MTO1: variants seen among roughly 807,000 people sequenced by gnomAD.
MTO1 encodes mitochondrial tRNA translation optimization 1.
In MTO1, 46 loss-of-function variants were observed where a neutral mutation model predicts 71.6. The ratio of observed to expected loss-of-function variants is 0.64; its 90% CI spans 0.51 to 0.82. The LOEUF (loss-of-function observed/expected upper bound fraction) is 0.82. MTO1 is among the 40% of genes least tolerant of loss of function. The probability of loss-of-function intolerance (pLI) is 0.00; values close to 1 mark genes in which losing one functional copy is unlikely to be tolerated. For missense variants in MTO1, 773 were observed against 867.5 expected (o/e 0.89, Z 1.37); for synonymous variants, 297 against 312.1 (o/e 0.95, Z 0.51).
At chr6:73,483,365 C>A (rs937575392) in intron 9 of MTO1, among the ~76,000 whole-genome samples, 1 of 151,840 alleles carries the variant, frequency 6.6e-6, no homozygotes. Flanking sequence ...GCCAAGATCA[C>A]GCCTCTGCAC....
At position 73,506,516 on chromosome 6, in the gene MTO1, TC is replaced by T; in HGVS notation, c.*5784del. 1 of 158,358 alleles carries T rather than the reference TC, an allele frequency of 6.3e-6. No homozygotes were observed. Among genetic ancestry groups the T allele is most frequent in the Non-Finnish European group, 1.4e-5 (1 of 73,032 alleles). 9.8% of individuals were successfully genotyped at this position (158,358 alleles called of 1,614,324 possible). ...CTTCTTCCTCATTTTCTCTTGCCAC[TC>T]CCATGTAAGAAGTGCCTTTCGCCTC... On this transcript the variant is annotated 3_prime_UTR_variant, in exon 12 of 12. Transcript: ENST00000498286.
At chr6:73,497,987 C>A in intron 11 of MTO1, 91 bp downstream of exon 11, 1 of 1,131,328 alleles carries the variant, frequency 8.8e-7, no homozygotes, top group Non-Finnish European at 1.2e-6. Context: ...GGCCATATAA[C>A]TAATGTTTTA....
intron 7 of MTO1, 163 bp downstream of exon 7, chr6:73,480,968 G>GT: frequency 2.3e-6 from 1 of 436,712 alleles, no homozygotes; most frequent in South Asian, 2.5e-5. Context: ...TAGATAATAG[G>GT]GTTTTTTTTT....
intron 1 of MTO1, among the ~76,000 whole-genome samples, chr6:73,463,743 T>G (rs1348836923): frequency 6.6e-6 from 1 of 152,086 alleles, no homozygotes; most frequent in Non-Finnish European, 1.5e-5. Context: ...TTTTCTTTTC[T>G]TTTCTTTCAT....
chr6:73,496,751 T>G (rs1223811883), intron 10 of MTO1, among the ~76,000 whole-genome samples: 1 of 151,662 alleles, frequency 6.6e-6, no homozygotes, highest in African/African-American at 2.4e-5. Context: ...AAAACCATTT[T>G]CTTAGAGAAG....
rs1561939293 is a variant in MTO1, at chr6:73,466,345, G to C, written c.354G>C (p.Lys118Asn). The change falls in exon 2 of 12, where the codon AAG (lysine) becomes AAC (asparagine). Residue 118 changes from lysine (K) to asparagine (N), a missense_variant. Physicochemically the swap from Lys to Asn is moderately conservative, Grantham distance 94 (BLOSUM62 0). Transcript: ENST00000498286. ...GVHYKVLNRRKGPAVWGLRAQ... is the reference protein window; with the variant it reads ...GVHYKVLNRRNGPAVWGLRAQ... ...ATTATAAAGTATTAAACCGGCGTAA[G>C]GGACCAGCTGTGTGGGGTCTGAGAG... 1 of 1,614,154 alleles carries C rather than the reference G, an allele frequency of 6.2e-7. No homozygotes were observed. The highest frequency in any genetic ancestry group is 8.5e-7 in the Non-Finnish European group (1 of 1,180,040).
intron 10 of MTO1, 23 bp downstream of exon 10, chr6:73,492,375 A>G: frequency 6.8e-7 from 1 of 1,465,704 alleles, no homozygotes; most frequent in Admixed American, 1.7e-5. Flanking sequence ...TTTTGACTTA[A>G]CATACCTTTA....
chr6:73,486,566 C>T lies in MTO1; in HGVS notation c.1637+3946C>T, dbSNP rs749255735. The T allele has an allele frequency of 1.6e-4, 70 of 435,664 alleles. 1 individual carries two copies. Among genetic ancestry groups the T allele is most frequent in the Middle Eastern group, 1.5e-3 (2 of 1,378 alleles). The allele number at this position is 435,664 out of a possible 1,614,324, so 27.0% of individuals were successfully genotyped here. A position where few individuals can be genotyped will look rare whatever the true frequency, so the allele number is the denominator to read the frequency against. Reference sequence around the variant, plus strand: ...CAGCCTGGCCAACATGGTGAAACCTCGTCTCTACTAAAAAATACACAAATT... The same window carrying T: ...CAGCCTGGCCAACATGGTGAAACCTTGTCTCTACTAAAAAATACACAAATT... On this transcript the variant is annotated intron_variant, in intron 9 of 11. Transcript: ENST00000498286.
intron 10 of MTO1, 24 bp downstream of exon 10, chr6:73,492,376 C>T: frequency 6.8e-7 from 1 of 1,462,688 alleles, no homozygotes; most frequent in Non-Finnish European, 9.6e-7. Flanking sequence ...TTTGACTTAA[C>T]ATACCTTTAT....
chr6:73,464,111 G>T (rs1770907255), intron 1 of MTO1: 1 of 152,128 alleles, frequency 6.6e-6, no homozygotes, highest in African/African-American at 2.4e-5. Flanking sequence ...AAGTTGGAAT[G>T]ATATAGGGAT....
chr6:73,503,666 T>A lies in MTO1; in HGVS notation c.*2931T>A, dbSNP rs939020432. 6.6e-6 allele frequency: 1 copy of A among 152,144 alleles called. No homozygotes were observed. Among genetic ancestry groups the A allele is most frequent in the Non-Finnish European group, 1.5e-5 (1 of 68,034 alleles). 9.4% of individuals were successfully genotyped at this position (152,144 alleles called of 1,614,324 possible). On this transcript the variant is annotated 3_prime_UTR_variant, in exon 12 of 12. Coordinates refer to ENST00000498286, the MANE Select transcript of MTO1 (RefSeq NM_012123.4). The stretch of plus-strand genomic sequence containing the variant: ...TTCCTCTATTCACCACAGACCAGAC[T>A]GCCTACCAGTTGAAAAAGCCAGGTA...
chr6:73,498,987 A>G (rs774416519), intron 11 of MTO1, among the ~76,000 whole-genome samples: 1 of 152,056 alleles, frequency 6.6e-6, no homozygotes, highest in Non-Finnish European at 1.5e-5. Flanking sequence ...TTGGCCTCCC[A>G]AAGTCCTGGG....
Position 73,482,165 on chromosome 6 carries a change from A to G in MTO1, c.1386A>G (p.Pro462=). Residue 462 remains proline (P), a synonymous_variant, in exon 8 of 12, where the codon CCA becomes CCG. Transcript: ENST00000498286. ...TCACTACTCTGGGCACCAGTGAACCATACCGCATGTTTACCAGCCGAGTAG... is the reference window on the plus strand; with the variant it reads ...TCACTACTCTGGGCACCAGTGAACCGTACCGCATGTTTACCAGCCGAGTAG... ...DDLTTLGTSE[P]YRMFTSRVEF... 1.9e-6 allele frequency: 3 copies of G among 1,614,178 alleles called. No homozygotes were observed. The highest frequency in any genetic ancestry group is 2.2e-5 in the East Asian group (1 of 44,882).
chr6:73,482,759 T>G (rs1387517453), intron 9 of MTO1, 139 bp downstream of exon 9: 1 of 568,158 alleles, frequency 1.8e-6, no homozygotes, highest in Non-Finnish European at 2.9e-6. Flanking sequence ...CTTTTCAAAA[T>G]CCGTTAGCTG....
rs561381980 is a variant in MTO1, at chr6:73,475,259, G to A, written c.825+1605G>A. ...ATTACAGGCATGAGCGACCGCACCT[G>A]GTCAAATAGGCGTTTTTTGTTTTGT... On this transcript the variant is annotated intron_variant, in intron 4 of 11. Transcript: ENST00000498286. 4.6e-5 allele frequency among the ~76,000 whole-genome samples: 7 copies of A among 152,012 alleles called. No individual in the cohort carries two copies. In the South Asian group the frequency reaches 1.5e-3, roughly 32 times the overall value.
rs1196608252 is a variant in MTO1 at position 73,478,063 on chromosome 6, A to G, written c.826-1669A>G. Among the ~76,000 whole-genome samples, 7 of 151,292 alleles carry G rather than the reference A, an allele frequency of 4.6e-5. No homozygotes were observed. In the East Asian group the frequency reaches 1.0e-3, roughly 22 times the overall value. On this transcript the variant is annotated intron_variant, in intron 4 of 11. Coordinates refer to ENST00000498286, the MANE Select transcript of MTO1 (RefSeq NM_012123.4). ...CAAAAGATTGAGACCATCCTGGCCA[A>G]CATGGTGAAACCCCGTCTCTACTAA...
At chr6:73,476,592 T>C (rs949746865) in intron 4 of MTO1, among the ~76,000 whole-genome samples, 1 of 152,108 alleles carries the variant, frequency 6.6e-6, no homozygotes, top group African/African-American at 2.4e-5. Flanking sequence ...TATCAATTTA[T>C]GTCCATATTT....
At chr6:73,462,112 G>A (rs778318588) in intron 1 of MTO1, 41 bp downstream of exon 1, 6 of 1,596,948 alleles carry the variant, frequency 3.8e-6, no homozygotes, top group South Asian at 2.2e-5. Flanking sequence ...GTAGGACGCA[G>A]GCTGCTTCCT....
chr6:73,474,173 A>G (rs992525321), intron 4 of MTO1, among the ~76,000 whole-genome samples: 1 of 151,958 alleles, frequency 6.6e-6, no homozygotes, highest in South Asian at 2.1e-4. Flanking sequence ...GCTCACTGCA[A>G]CGTCTGCCTC....
Sources: allele counts gnomAD v4.1 joint callset (sites outside exome capture counted in the v4.1 genomes callset), GRCh38; gene constraint gnomAD v4.1.1; transcripts MANE v1.5; gene names NCBI Gene and HGNC (gene_info 2026-07-23, HGNC 2026-07-21).